CDH12: variants seen among roughly 807,000 people sequenced by gnomAD.
CDH12 encodes cadherin-12.
Under a neutral mutation model 74.1 loss-of-function variants are expected in CDH12, and 41 were observed. That is an observed-to-expected ratio of 0.55 (90% CI 0.43 to 0.72). The LOEUF (loss-of-function observed/expected upper bound fraction) is 0.72. CDH12 is among the 30% of genes least tolerant of loss of function. The pLI is 0.00. For synonymous variants in CDH12, 399 were observed against 355.0 expected (o/e 1.12, Z -1.39); for missense variants, 945 against 977.2 (o/e 0.97, Z 0.44).
intron 3 of CDH12, among the ~76,000 whole-genome samples, chr5:22,235,995 C>A (rs2150377908): frequency 6.6e-6 from 1 of 152,274 alleles, no homozygotes; most frequent in South Asian, 2.1e-4. Context: ...AACACAATGA[C>A]AAGTATTTGT....
chr5:22,775,244 A>G (rs1165709271), intron 1 of CDH12, among the ~76,000 whole-genome samples: 3 of 152,010 alleles, frequency 2.0e-5, no homozygotes, highest in Non-Finnish European at 4.4e-5. Flanking sequence ...TAACCTTAAC[A>G]TTTATCATTG....
intron 5 of CDH12, among the ~76,000 whole-genome samples, chr5:22,047,983 C>A (rs919426428): frequency 6.6e-6 from 1 of 152,112 alleles, no homozygotes; most frequent in Non-Finnish European, 1.5e-5. Context: ...TGAGAGACTT[C>A]ATATTGTTTT....
intron 3 of CDH12, among the ~76,000 whole-genome samples, chr5:22,348,000 G>A (rs1335085689): frequency 2.6e-5 from 4 of 152,292 alleles, no homozygotes; most frequent in Non-Finnish European, 5.9e-5. Flanking sequence ...TCTCCTCCAG[G>A]ACGGTTCACC....
At chr5:22,271,079 G>T (rs1327971904) in intron 3 of CDH12, among the ~76,000 whole-genome samples, 1 of 151,990 alleles carries the variant, frequency 6.6e-6, no homozygotes, top group East Asian at 1.9e-4. Flanking sequence ...GGGTTTCTCT[G>T]TGCATGTGAT....
intron 6 of CDH12, among the ~76,000 whole-genome samples, chr5:21,963,964 T>C (rs938388757): frequency 9.9e-5 from 15 of 152,096 alleles, no homozygotes; most frequent in East Asian, 7.7e-4. Context: ...TAAAACAATA[T>C]GTATTCTTGG....
chr5:21,827,217 G>T (rs552366414), intron 8 of CDH12, among the ~76,000 whole-genome samples: 1 of 152,266 alleles, frequency 6.6e-6, no homozygotes, highest in South Asian at 2.1e-4. Flanking sequence ...CAACCAAATA[G>T]ATACAATATT....
chr5:21,848,968 A>G (rs1187718201), intron 7 of CDH12, among the ~76,000 whole-genome samples: 1 of 151,946 alleles, frequency 6.6e-6, no homozygotes, highest in Non-Finnish European at 1.5e-5. Context: ...GTCGTATGTT[A>G]TAGATACATG....
At chr5:22,752,454 C>G (rs1359653525) in intron 1 of CDH12, among the ~76,000 whole-genome samples, 2 of 146,630 alleles carry the variant, frequency 1.4e-5, no homozygotes, top group Non-Finnish European at 3.0e-5. Context: ...ACACCAGAAA[C>G]TTTCCACATG....
intron 1 of CDH12, among the ~76,000 whole-genome samples, chr5:22,569,946 T>C (rs1481973650): frequency 1.3e-5 from 2 of 152,208 alleles, no homozygotes; most frequent in Non-Finnish European, 2.9e-5. Context: ...TGGTGAATCC[T>C]TTCCAAATGG....
At chr5:22,021,794 G>C (rs1159920667) in intron 5 of CDH12, among the ~76,000 whole-genome samples, 1 of 152,150 alleles carries the variant, frequency 6.6e-6, no homozygotes, top group East Asian at 1.9e-4. Context: ...ATGCGGTTCT[G>C]TTATTAGAGC....
chr5:22,421,802 C>T (rs764789926), intron 2 of CDH12, among the ~76,000 whole-genome samples: 7 of 152,162 alleles, frequency 4.6e-5, no homozygotes, highest in East Asian at 3.9e-4. Context: ...ACAGTCCCAC[C>T]GACAGTGTAA....
intron 1 of CDH12, among the ~76,000 whole-genome samples, chr5:22,727,213 T>C (rs1366679248): frequency 1.3e-5 from 2 of 151,898 alleles, no homozygotes; most frequent in East Asian, 3.9e-4. Flanking sequence ...AGGTCTATCA[T>C]GAATGTTTCT....
At chr5:22,670,320 C>T (rs142964337) in intron 1 of CDH12, among the ~76,000 whole-genome samples, 63 of 152,178 alleles carry the variant, frequency 4.1e-4, no homozygotes, top group African/African-American at 1.4e-3. Context: ...TGCCCAGACC[C>T]AGTAGTTCTT....
chr5:22,079,033 C>T (rs1273640202), intron 4 of CDH12, among the ~76,000 whole-genome samples, 171 bp from the exon 5 acceptor site: 2 of 152,078 alleles, frequency 1.3e-5, no homozygotes, highest in African/African-American at 2.4e-5. Context: ...GATAAATTAT[C>T]TGAGTTTTTC....
chr5:22,653,611 C>A (rs1267977460), intron 1 of CDH12, among the ~76,000 whole-genome samples: 8 of 152,158 alleles, frequency 5.3e-5, no homozygotes, highest in Non-Finnish European at 8.8e-5. Flanking sequence ...TGTCATCTCA[C>A]CCCTGGGGTA....
rs186603143 is a variant in CDH12, at chr5:22,501,014, C to A, written c.-428+4256G>T. ...GCTAATTTGAATGATAGCACAATAA[C>A]CTGCATTGTGACCTATCACAAAAAA... On this transcript the variant is annotated intron_variant, in intron 2 of 14. Coordinates refer to ENST00000382254, the MANE Select transcript of CDH12 (RefSeq NM_004061.5). 4.9e-4 allele frequency among the ~76,000 whole-genome samples: 74 copies of A among 151,856 alleles called. 1 individual carries two copies. The highest frequency in any genetic ancestry group is 3.4e-3 in the Middle Eastern group (1 of 292).
At chr5:21,883,523 C>A in intron 6 of CDH12, 3 of 1,612,696 alleles carry the variant, frequency 1.9e-6, no homozygotes, top group Non-Finnish European at 1.7e-6. Context: ...ATAGAAAGAA[C>A]CAACTTAAAG....
chr5:22,465,316 A>G (rs1275435216), intron 2 of CDH12, among the ~76,000 whole-genome samples: 1 of 152,188 alleles, frequency 6.6e-6, no homozygotes. Context: ...ACTCAAAAGT[A>G]TACTCTGTGT....
intron 3 of CDH12, among the ~76,000 whole-genome samples, chr5:22,386,992 C>T (rs1742026397): frequency 6.6e-6 from 1 of 151,588 alleles, no homozygotes; most frequent in South Asian, 2.1e-4. Context: ...GTTGACAAAC[C>T]TGAGTCAATA....
Sources: allele counts gnomAD v4.1 joint callset (sites outside exome capture counted in the v4.1 genomes callset), GRCh38; gene constraint gnomAD v4.1.1; transcripts MANE v1.5; gene names NCBI Gene and HGNC (gene_info 2026-07-23, HGNC 2026-07-21).